STAC2: variants seen among roughly 807,000 people sequenced by gnomAD.
STAC2 encodes the protein SH3 and cysteine rich domain 2.
STAC2 carries 36 observed loss-of-function variants against 49.0 expected under a neutral mutation model. That is an observed-to-expected ratio of 0.74 (90% CI 0.56 to 0.97). The LOEUF (loss-of-function observed/expected upper bound fraction) is 0.97. STAC2 is among the 50% of genes least tolerant of loss of function. The pLI, the probability that STAC2 is intolerant of heterozygous loss-of-function variation, is 0.00. For missense variants in STAC2, 527 were observed against 543.8 expected, an observed-to-expected ratio of 0.97 and a Z score of 0.31; for synonymous variants, 239 against 214.7, an observed-to-expected ratio of 1.11 and a Z score of -0.99.
At chr17:39,217,247 T>C in intron 2 of STAC2, 74 bp from the exon 3 acceptor site, 4 of 1,456,286 alleles carry the variant, frequency 2.7e-6, no homozygotes, top group Non-Finnish European at 3.8e-6. Flanking sequence ...CATTAGGGGA[T>C]GAGGAGAGCA....
intron 1 of STAC2, among the ~76,000 whole-genome samples, chr17:39,219,862 C>T (rs1458811087): frequency 6.6e-6 from 1 of 152,218 alleles, no homozygotes; most frequent in Non-Finnish European, 1.5e-5. Flanking sequence ...CAGCCTGGCT[C>T]CAGGCAGAGG....
chr17:39,225,548 C>A lies in STAC2; in HGVS notation c.-46G>T. On this transcript the variant is annotated 5_prime_UTR_variant, in exon 1 of 11. Coordinates refer to ENST00000333461, the MANE Select transcript of STAC2 (RefSeq NM_198993.5). This position sits in a 1 kb window ranked among gnomAD's most constrained non-coding sequence, Gnocchi z 8.2. Reference sequence around the variant, plus strand: ...GAGGGTGCCGAGATCCGACGGCAGGCCCACCGCGGGCAGGCTGCGGGTGGC... The same window carrying A: ...GAGGGTGCCGAGATCCGACGGCAGGACCACCGCGGGCAGGCTGCGGGTGGC... 2 of 1,579,578 alleles carry A rather than the reference C, an allele frequency of 1.3e-6. No homozygotes were observed. The highest frequency in any genetic ancestry group is 1.7e-6 in the Non-Finnish European group (2 of 1,156,208).
chr17:39,223,032 G>A (rs1237043193), intron 1 of STAC2, among the ~76,000 whole-genome samples: 5 of 152,174 alleles, frequency 3.3e-5, no homozygotes, highest in Admixed American at 6.5e-5. Flanking sequence ...AGGAGGACTC[G>A]CTAGGAAGGT....
intron 1 of STAC2, among the ~76,000 whole-genome samples, chr17:39,221,578 TG>T (rs2046463176): frequency 2.0e-5 from 3 of 152,198 alleles, no homozygotes; most frequent in African/African-American, 7.2e-5. Context: ...ACTTTTCAGA[TG>T]AGGAACTGAG....
intron 2 of STAC2, among the ~76,000 whole-genome samples, 165 bp downstream of exon 2, chr17:39,217,702 G>A (rs1270896518): frequency 2.4e-4 from 36 of 151,890 alleles, no homozygotes; most frequent in African/African-American, 7.7e-4. Flanking sequence ...CAGCCTGGGA[G>A]ACAGAGCAAG....
Position 39,213,549 on chromosome 17 carries a change from A to G in STAC2, c.951T>C (p.Asp317=). ...ENNDLALQPG[D]RIMLVDDSNE... is the part of the protein sequence containing the mutation. ...TAGAGTCATCCACCAGCATGATCCGATCTCCAGGCCTGGGGAGGACAGAGC... is the reference window on the plus strand; with the variant it reads ...TAGAGTCATCCACCAGCATGATCCGGTCTCCAGGCCTGGGGAGGACAGAGC... Residue 317 remains aspartate (D), a synonymous_variant, in exon 9 of 11, where the codon GAT becomes GAC. Transcript: ENST00000333461. The G allele has an allele frequency of 6.2e-7, 1 of 1,613,328 alleles. No individual in the cohort carries two copies. The highest frequency in any genetic ancestry group is 8.5e-7 in the Non-Finnish European group (1 of 1,179,554).
In STAC2 at chr17:39,217,111, C is replaced by G. The variant is rs758620914; in HGVS notation, c.460G>C (p.Glu154Gln). ...GGGCATTGCTGGTGGGAGATCTCCT[C>G]AGAGCACCAGAGGTGGACGCTGACT... ...CKVSVHLWCS[E>Q]EISHQQCPGK... is the part of the protein sequence containing the mutation. The change falls in exon 3 of 11, where the codon GAG (glutamate) becomes CAG (glutamine). Residue 154 changes from glutamate (E) to glutamine (Q), a missense_variant. Physicochemically the swap from Glu to Gln is conservative, Grantham distance 29. Transcript: ENST00000333461. The G allele has an allele frequency of 6.2e-7, 1 of 1,614,048 alleles. No individual in the cohort carries two copies. Among genetic ancestry groups the G allele is most frequent in the Non-Finnish European group, 8.5e-7 (1 of 1,179,992 alleles).
intron 1 of STAC2, among the ~76,000 whole-genome samples, chr17:39,223,363 C>T (rs554464603): frequency 6.6e-6 from 1 of 152,320 alleles, no homozygotes; most frequent in East Asian, 1.9e-4. Flanking sequence ...CGACCCAACC[C>T]ACAGCCCAGT....
intron 7 of STAC2, 72 bp downstream of exon 7, chr17:39,214,719 G>C: frequency 6.5e-7 from 1 of 1,540,562 alleles, no homozygotes; most frequent in South Asian, 1.2e-5. Context: ...GCCCCCCTAT[G>C]AATCAATGGC....
chr17:39,215,813 C>T (rs1310160694), intron 4 of STAC2, among the ~76,000 whole-genome samples: 1 of 152,078 alleles, frequency 6.6e-6, no homozygotes, highest in South Asian at 2.1e-4. Context: ...AAGCAATTCT[C>T]CTGCCTCAGC....
Position 39,225,209 on chromosome 17 carries a change from G to A in STAC2, c.90+204C>T, listed in dbSNP as rs1408253609. Among the ~76,000 whole-genome samples the A allele has an allele frequency of 6.6e-6, 1 of 152,174 alleles. No homozygotes were observed. The highest frequency in any genetic ancestry group is 6.5e-5 in the Admixed American group (1 of 15,290). On this transcript the variant is annotated intron_variant, in intron 1 of 10. Coordinates refer to ENST00000333461, the MANE Select transcript of STAC2 (RefSeq NM_198993.5). The surrounding 1 kb of genome is among the most constrained non-coding windows in gnomAD (Gnocchi z 8.2). ...CCCAGAAGGTCGCGATGGCGCGCGCGGGCGTGCGGTGCCGGTGTGATCGGG... is the reference window on the plus strand; with the variant it reads ...CCCAGAAGGTCGCGATGGCGCGCGCAGGCGTGCGGTGCCGGTGTGATCGGG...
intron 4 of STAC2, among the ~76,000 whole-genome samples, chr17:39,215,775 C>T (rs1220309345): frequency 2.0e-5 from 3 of 152,192 alleles, no homozygotes; most frequent in Non-Finnish European, 4.4e-5. Context: ...ACGATCCTGG[C>T]TTACTGCAAC....
Position 39,225,646 on chromosome 17 carries a change from C to T in STAC2, c.-144G>A. ...TAGCCCCCGGCACGGCAGCCCCCAACCCGCGGGAGCGGGCAGAGAAAGTTG... is the reference window on the plus strand; with the variant it reads ...TAGCCCCCGGCACGGCAGCCCCCAATCCGCGGGAGCGGGCAGAGAAAGTTG... On this transcript the variant is annotated 5_prime_UTR_variant, in exon 1 of 11. Coordinates refer to ENST00000333461, the MANE Select transcript of STAC2 (RefSeq NM_198993.5). This position sits in a 1 kb window ranked among gnomAD's most constrained non-coding sequence, Gnocchi z 8.2. 1 of 792,404 alleles carries T rather than the reference C, an allele frequency of 1.3e-6. No homozygotes were observed. The highest frequency in any genetic ancestry group is 2.1e-6 in the Non-Finnish European group (1 of 487,358). 49.1% of individuals were successfully genotyped at this position (792,404 alleles called of 1,614,324 possible).
chr17:39,217,869 A>G lies in STAC2; in HGVS notation c.395T>C (p.Val132Ala). 1 of 1,601,344 alleles carries G rather than the reference A, an allele frequency of 6.2e-7. No homozygotes were observed. Residue 132 changes from valine to alanine, a missense_variant and splice_region_variant, in exon 2 of 11, where the codon GTA (valine) becomes GCA (alanine). Physicochemically the swap from Val to Ala is moderately conservative, Grantham distance 64. Coordinates refer to ENST00000333461, the MANE Select transcript of STAC2 (RefSeq NM_198993.5). ...SPCELCHQLI[V>A]GNSKQGLRCK... ...CGCCTCAGTGCCCAGGCACCTACCT[A>G]CGATGAGCTGGTGGCACAGCTCACA...
At position 39,225,186 on chromosome 17, in the gene STAC2, C is replaced by CA. The variant is rs139189067; in HGVS notation, c.90+226dup. Reference sequence around the variant, plus strand: ...CAACGAAGACCAGTGGCCGCCTCCCCAGAAGGTCGCGATGGCGCGCGCGGG... The same window carrying CA: ...CAACGAAGACCAGTGGCCGCCTCCCCAAGAAGGTCGCGATGGCGCGCGCGGG... On this transcript the variant is annotated intron_variant, in intron 1 of 10. Coordinates refer to ENST00000333461, the MANE Select transcript of STAC2 (RefSeq NM_198993.5). This position sits in a 1 kb window ranked among gnomAD's most constrained non-coding sequence, Gnocchi z 8.2. 3.8e-3 allele frequency among the ~76,000 whole-genome samples: 573 copies of CA among 152,294 alleles called. 5 individuals are homozygous for CA. Among genetic ancestry groups the CA allele is most frequent in the African/African-American group, 0.013 (540 of 41,574 alleles).
At position 39,217,192 on chromosome 17, in the gene STAC2, C is replaced by G; in HGVS notation, c.398-19G>C. 1 of 1,610,412 alleles carries G rather than the reference C, an allele frequency of 6.2e-7. No individual in the cohort carries two copies. The highest frequency in any genetic ancestry group is 8.5e-7 in the Non-Finnish European group (1 of 1,178,650). On this transcript the variant is annotated intron_variant, in intron 2 of 10. Transcript: ENST00000333461. ...GAGTTTCCTAGGAAGAATTTGGGTT[C>G]AGCAATTGAGGACACCCCCGTGGGC...
intron 1 of STAC2, among the ~76,000 whole-genome samples, chr17:39,222,059 T>C (rs887766874): frequency 7.2e-5 from 11 of 152,146 alleles, no homozygotes; most frequent in African/African-American, 2.2e-4. Context: ...TCCCTGGGAT[T>C]TTCGCCTATC....
rs779716227 is a variant in STAC2 at position 39,213,002 on chromosome 17, T to A, written c.1124A>T (p.Glu375Val). The A allele has an allele frequency of 1.2e-5, 20 of 1,613,798 alleles. No individual in the cohort carries two copies. In the East Asian group the frequency reaches 3.8e-4, roughly 31 times the overall value. Residue 375 changes from glutamate to valine, a missense_variant, in exon 10 of 11, where the codon GAG becomes GTG. Physicochemically the swap from Glu to Val is moderately radical, Grantham distance 121. Transcript: ENST00000333461. ...TGGGCCTCAGGCACTCACCTGGTTC[T>A]CCTTGAGGCTCATGTAACCCTGTTC... Reference protein sequence around the residue: ...NKEQGYMSLKENQICVGVGRS... With the variant: ...NKEQGYMSLKVNQICVGVGRS...
intron 2 of STAC2, 127 bp from the exon 3 acceptor site, chr17:39,217,300 C>T (rs2046414422): frequency 3.6e-6 from 3 of 828,802 alleles, no homozygotes; most frequent in South Asian, 3.1e-5. Context: ...CCAGCACCTA[C>T]CCCTCACACA....
Sources: allele counts gnomAD v4.1 joint callset (sites outside exome capture counted in the v4.1 genomes callset), GRCh38; gene constraint gnomAD v4.1.1; non-coding constraint Gnocchi (gnomAD v3.1); transcripts MANE v1.5; gene names NCBI Gene and HGNC (gene_info 2026-07-23, HGNC 2026-07-21).